The following UBR1 variants were observed in gnomAD, a reference collection of about 807,000 sequenced individuals.
The protein encoded by UBR1 is E3 ubiquitin-protein ligase UBR1.
A neutral mutation model predicts 242.1 loss-of-function variants in UBR1; 102 were observed. The ratio of observed to expected loss-of-function variants is 0.42; its 90% confidence interval spans 0.36 to 0.50. UBR1 has a LOEUF of 0.50. Ranked by LOEUF, UBR1 falls within the 20% of genes least tolerant of loss-of-function variation. UBR1 has a pLI of 0.01. For missense variants in UBR1, 1,772 were observed against 2,101.8 expected (o/e 0.84, Z 3.07); for synonymous variants, 675 against 684.8 (o/e 0.99, Z 0.22).
At position 42,968,787 on chromosome 15, in the gene UBR1, G is replaced by C. The variant is rs1221932664; in HGVS notation, c.4457+1733C>G. ...GCGGCATTTGGCTTTCTGTTCCTGT[G>C]TTAGTTTGCTGAGAATGATGGTTTC... is the stretch of plus-strand genomic sequence containing the variant. On this transcript the variant is annotated intron_variant, in intron 40 of 46. Transcript: ENST00000290650. Among the ~76,000 whole-genome samples the C allele has an allele frequency of 9.9e-5, 15 of 151,976 alleles. 1 individual carries two copies. Among genetic ancestry groups the C allele is most frequent in the Admixed American group, 9.8e-4 (15 of 15,262 alleles).
chr15:43,027,861 T>C (rs1411255218), intron 21 of UBR1, 33 bp from the exon 22 acceptor site: 1 of 1,540,690 alleles, frequency 6.5e-7, no homozygotes, highest in East Asian at 2.3e-5. Flanking sequence ...ATTTTTACCT[T>C]CATATAATGA....
chr15:43,098,214 T>A (rs559784601), intron 1 of UBR1, among the ~76,000 whole-genome samples: 5 of 152,220 alleles, frequency 3.3e-5, no homozygotes, highest in East Asian at 1.9e-4. Flanking sequence ...CAGCTTTTTT[T>A]ATTATGTTTG....
chr15:43,005,336 G>A (rs1467699513), intron 30 of UBR1, among the ~76,000 whole-genome samples: 7 of 151,370 alleles, frequency 4.6e-5, no homozygotes, highest in African/African-American at 1.5e-4. Flanking sequence ...GAGGTGGGGG[G>A]CAGCCCCCGC....
Position 43,091,906 on chromosome 15 carries a change from CAAAAAAAAAA to C in UBR1, c.82-5676_82-5667del, listed in dbSNP as rs58586323. On this transcript the variant is annotated intron_variant, in intron 1 of 46. Coordinates refer to ENST00000290650, the MANE Select transcript of UBR1 (RefSeq NM_174916.3). The stretch of plus-strand genomic sequence containing the variant: ...GAGATCATGCCACTGTACACCATCT[CAAAAAAAAAA>C]AAAAAAAAAAAAAAAAAAAATTAGC... The C allele has an allele frequency of 2.0e-3, 359 of 180,234 alleles. 1 individual carries two copies. The highest frequency in any genetic ancestry group is 7.7e-3 in the South Asian group (265 of 34,582). 11.2% of individuals were successfully genotyped at this position (180,234 alleles called of 1,614,324 possible).
chr15:43,099,838 G>C (rs1248019694), intron 1 of UBR1, among the ~76,000 whole-genome samples: 1 of 151,836 alleles, frequency 6.6e-6, no homozygotes, highest in Non-Finnish European at 1.5e-5. Flanking sequence ...CCATAAAACA[G>C]GAGTATAGAA....
intron 6 of UBR1, among the ~76,000 whole-genome samples, chr15:43,060,323 C>G (rs547699613): frequency 2.3e-3 from 356 of 152,322 alleles, no homozygotes; most frequent in Non-Finnish European, 3.0e-3. Flanking sequence ...CTAGGACAGA[C>G]AGTCTATAGT....
rs1486904090 is a variant in UBR1, at chr15:43,036,241, T to C, written c.2127A>G (p.Leu709=). 6 of 1,613,640 alleles carry C rather than the reference T, an allele frequency of 3.7e-6. No individual in the cohort carries two copies. The highest frequency in any genetic ancestry group is 5.1e-6 in the Non-Finnish European group (6 of 1,179,816). ...ASLMDPNKFL[L]LVLQRYELAE... ...CAAGTTCATACCTCTGAAGTACCAG[T>C]AACAAGAACTTATTGGGATCCATTA... is the stretch of plus-strand genomic sequence containing the variant. Residue 709 remains leucine (L), a synonymous_variant, in exon 19 of 47, where the codon TTA becomes TTG. Transcript: ENST00000290650.
chr15:43,100,584 C>G (rs2034219905), intron 1 of UBR1, among the ~76,000 whole-genome samples: 1 of 152,180 alleles, frequency 6.6e-6, no homozygotes, highest in African/African-American at 2.4e-5. Context: ...TACCTGTAAT[C>G]CCAGCAGTTT....
chr15:43,022,674 T>C (rs373522210), intron 26 of UBR1, 28 bp downstream of exon 26: 1 of 1,468,864 alleles, frequency 6.8e-7, no homozygotes, highest in African/African-American at 1.4e-5. Context: ...CAATGACAAA[T>C]GTGTTGAAGA....
At chr15:42,959,775 A>C (rs2031983841) in intron 43 of UBR1, among the ~76,000 whole-genome samples, 1 of 152,242 alleles carries the variant, frequency 6.6e-6, no homozygotes, top group African/African-American at 2.4e-5. Flanking sequence ...ATTATCACTA[A>C]ATCTCTAAAG....
intron 29 of UBR1, among the ~76,000 whole-genome samples, chr15:43,014,006 A>C (rs572484302): frequency 1.3e-5 from 2 of 152,244 alleles, no homozygotes; most frequent in East Asian, 3.9e-4. Context: ...CTCAGCCTGC[A>C]GAGTGCCTGC....
intron 1 of UBR1, among the ~76,000 whole-genome samples, chr15:43,090,051 A>G (rs974642100): frequency 1.3e-5 from 2 of 152,234 alleles, no homozygotes; most frequent in Non-Finnish European, 2.9e-5. Flanking sequence ...TACTATGGTT[A>G]TGCAAAATGT....
Position 43,056,439 on chromosome 15 carries a change from AATACTGAAATATAT to A in UBR1, c.1183-11_1185del. The A allele has an allele frequency of 6.3e-7, 1 of 1,587,272 alleles. No individual in the cohort carries two copies. The highest frequency in any genetic ancestry group is 8.7e-7 in the Non-Finnish European group (1 of 1,155,878). On this transcript the variant is annotated splice_acceptor_variant and splice_polypyrimidine_tract_variant and coding_sequence_variant and intron_variant, in exon 11 of 47. Coordinates refer to ENST00000290650, the MANE Select transcript of UBR1 (RefSeq NM_174916.3). LOFTEE classifies it high-confidence loss of function. ...ATATATTCTTTCTGCAGTTGTTTAT[AATACTGAAATATAT>A]AAGTAGAGAATCAATTATAAATCAC...
intron 29 of UBR1, 118 bp from the exon 30 acceptor site, chr15:43,007,402 G>T (rs1181244472): frequency 3.2e-6 from 3 of 942,870 alleles, no homozygotes; most frequent in African/African-American, 3.3e-5. Context: ...AAATAAAAAT[G>T]ATATTTAGCA....
intron 32 of UBR1, 43 bp downstream of exon 32, chr15:43,002,512 G>C (rs1476802159): frequency 1.2e-5 from 19 of 1,597,266 alleles, no homozygotes; most frequent in African/African-American, 2.7e-5. Context: ...ACTGCACCTG[G>C]CCAACTTTTA....
rs1340784919 is a variant in UBR1, at chr15:42,998,806, A to G, written c.3660-541T>C. Among the ~76,000 whole-genome samples the G allele has an allele frequency of 3.9e-5, 6 of 152,306 alleles. No individual in the cohort carries two copies. In the East Asian group the frequency reaches 1.2e-3, roughly 29 times the overall value. ...AGCTAGAAGAATTTTCTAAAAATGT[A>G]AATAGGATCATATAACTTCTAATCT... On this transcript the variant is annotated intron_variant, in intron 32 of 46. Transcript: ENST00000290650.
At chr15:42,961,112 C>CT (rs1308464766) in intron 42 of UBR1, among the ~76,000 whole-genome samples, 2,018 of 141,256 alleles carry the variant, frequency 0.014, 41 homozygotes, top group East Asian at 0.068. Context: ...TATGTTCCCC[C>CT]TTTTTTTTTT....
rs774315003 is a variant in UBR1, at chr15:42,945,468, C to A, written c.5111G>T (p.Arg1704Met). ...EYGETDPGLK[R>M]GNPLHLSRER... ...ACGAGATAAATGAAGGGGGTTGCCC[C>A]TCCTTTAGGGAAAAAAGAAAAAACA... The change falls in exon 47 of 47, where the codon AGG (arginine) becomes ATG (methionine). Residue 1704 changes from arginine (R) to methionine (M), a missense_variant and splice_region_variant. By Grantham distance (91) the Arg-to-Met change is moderately conservative (BLOSUM62 -1). This residue lies in a region of UBR1 where 965 missense variants were observed against 1,079.7 expected (regional missense o/e 0.89). Transcript: ENST00000290650. 6.2e-7 allele frequency: 1 copy of A among 1,613,990 alleles called. No individual in the cohort carries two copies. The highest frequency in any genetic ancestry group is 8.5e-7 in the Non-Finnish European group (1 of 1,179,998).
chr15:43,058,451 G>A lies in UBR1; in HGVS notation c.1094-22C>T, dbSNP rs539015614. The A allele has an allele frequency of 1.6e-5, 25 of 1,579,236 alleles. No individual in the cohort carries two copies. In the South Asian group the frequency reaches 2.6e-4, roughly 17 times the overall value. On this transcript the variant is annotated intron_variant, in intron 9 of 46. Coordinates refer to ENST00000290650, the MANE Select transcript of UBR1 (RefSeq NM_174916.3). ...GCACCTATAGATTATTTTGGGGAGG[G>A]TGGGGGAATGAGGAGAATCACCAAG...
Sources: allele counts gnomAD v4.1 joint callset (sites outside exome capture counted in the v4.1 genomes callset), GRCh38; gene constraint gnomAD v4.1.1; regional missense constraint gnomAD v4.1.1; transcripts MANE v1.5; gene names NCBI Gene and HGNC (gene_info 2026-07-23, HGNC 2026-07-21).